CFLAR: variants seen among roughly 807,000 people sequenced by gnomAD.
CFLAR encodes the protein CASP8 and FADD like apoptosis regulator.
Under a neutral mutation model 51.1 loss-of-function variants are expected in CFLAR, and 14 were observed. The observed-to-expected ratio is 0.27, with a 90% CI of 0.18 to 0.43. The LOEUF is 0.43. Among genes scored for constraint, CFLAR ranks in the 20% least tolerant of loss-of-function variants. The pLI, the probability that CFLAR is intolerant of heterozygous loss-of-function variation, is 1.00. For missense variants in CFLAR, 390 were observed against 566.5 expected (o/e 0.69, Z 3.16); for synonymous variants, 210 against 211.6 (o/e 0.99, Z 0.06).
chr2:201,141,938 G>C (rs1041688571), intron 5 of CFLAR: 2 of 152,336 alleles, frequency 1.3e-5, no homozygotes, highest in African/African-American at 4.8e-5. Flanking sequence ...TTGTCTAGCA[G>C]GCTTTTCAGT....
rs887015501 is a variant in CFLAR, at chr2:201,166,933, G to A, written c.*2960G>A. On this transcript the variant is annotated 3_prime_UTR_variant, in exon 10 of 10. Coordinates refer to ENST00000309955, the MANE Select transcript of CFLAR (RefSeq NM_003879.7). ...CAGCAGTACAGTCCAGCTTCGGCTC[G>A]GCATCAGAGGGAGACCGTGGGGAGA... is the stretch of plus-strand genomic sequence containing the variant. 1.0e-4 allele frequency: 5 copies of A among 49,170 alleles called. No individual in the cohort carries two copies. The highest frequency in any genetic ancestry group is 4.4e-4 in the South Asian group (1 of 2,298). 3.0% of individuals were successfully genotyped at this position (49,170 alleles called of 1,614,324 possible).
chr2:201,123,275 G>T (rs969880903), intron 1 of CFLAR, among the ~76,000 whole-genome samples: 6 of 152,214 alleles, frequency 3.9e-5, no homozygotes, highest in African/African-American at 1.4e-4. Flanking sequence ...GAGCTTCCTT[G>T]AGAGTCATGA....
chr2:201,147,476 C>T (rs564956621), intron 6 of CFLAR, among the ~76,000 whole-genome samples: 15 of 151,962 alleles, frequency 9.9e-5, no homozygotes, highest in African/African-American at 3.6e-4. Context: ...TTGCAGTGAG[C>T]CGAGATCTTG....
rs1168849384 is a variant in CFLAR, at chr2:201,169,436, C to T, written c.*5463C>T. 6.6e-6 allele frequency: 1 copy of T among 152,304 alleles called. No individual in the cohort carries two copies. Among genetic ancestry groups the T allele is most frequent in the East Asian group, 1.9e-4 (1 of 5,194 alleles). The allele number at this position is 152,304 out of a possible 1,614,324, so 9.4% of individuals were successfully genotyped here. ...GCAGAAAATTGAAACTGACCCCTTC[C>T]TTACACCTTATACAAAAATTAACTC... On this transcript the variant is annotated 3_prime_UTR_variant, in exon 10 of 10. Transcript: ENST00000309955.
At position 201,172,174 on chromosome 2, in the gene CFLAR, G is replaced by C. The variant is rs529426252; in HGVS notation, c.*8201G>C. The C allele has an allele frequency of 4.6e-5, 7 of 152,244 alleles. No individual in the cohort carries two copies. The Middle Eastern group carries it at 0.01, about 222-fold the overall frequency. The allele number at this position is 152,244 out of a possible 1,614,324, so 9.4% of individuals were successfully genotyped here. On this transcript the variant is annotated 3_prime_UTR_variant, in exon 10 of 10. Coordinates refer to ENST00000309955, the MANE Select transcript of CFLAR (RefSeq NM_003879.7). ...TATATCTCTCCTAAACACTTTACCTGATGAAGAGCCTGGCATACACATAAA... is the reference window on the plus strand; with the variant it reads ...TATATCTCTCCTAAACACTTTACCTCATGAAGAGCCTGGCATACACATAAA...
intron 4 of CFLAR, chr2:201,136,505 T>G: frequency 6.4e-7 from 1 of 1,567,522 alleles, no homozygotes; most frequent in South Asian, 1.1e-5. Context: ...TCTCATACCT[T>G]CCTTGCATGT....
At chr2:201,145,299 GA>G in intron 5 of CFLAR, 78 bp from the exon 6 acceptor site, 1 of 768,332 alleles carries the variant, frequency 1.3e-6, no homozygotes, top group South Asian at 1.7e-5. Flanking sequence ...ATCCTATTGA[GA>G]CATTTAAAGA....
At chr2:201,132,658 G>A (rs538328206) in intron 2 of CFLAR, 17 of 170,634 alleles carry the variant, frequency 1.0e-4, no homozygotes, top group African/African-American at 4.0e-4. Context: ...AAACAGAGAA[G>A]GCTACTTCAA....
chr2:201,129,817 C>A lies in CFLAR; in HGVS notation c.-49C>A. The A allele has an allele frequency of 6.4e-7, 1 of 1,574,502 alleles. No homozygotes were observed. Among genetic ancestry groups the A allele is most frequent in the Non-Finnish European group, 8.7e-7 (1 of 1,152,584 alleles). On this transcript the variant is annotated 5_prime_UTR_variant, in exon 2 of 10. Coordinates refer to ENST00000309955, the MANE Select transcript of CFLAR (RefSeq NM_003879.7). Reference sequence around the variant, plus strand: ...CCTGCTGGCTTTCTGTTGACTGGCCCGGAGCTGTACTGCAAGACCCTTGTG... The same window carrying A: ...CCTGCTGGCTTTCTGTTGACTGGCCAGGAGCTGTACTGCAAGACCCTTGTG...
At chr2:201,140,611 T>C (rs1938473435) in intron 5 of CFLAR, 172 bp downstream of exon 5, 2 of 554,404 alleles carry the variant, frequency 3.6e-6, no homozygotes, top group Admixed American at 3.9e-5. Context: ...CTAATACATG[T>C]TCATTGAGAT....
chr2:201,175,892 T>TTA lies in CFLAR; in HGVS notation c.*11919_*11920insTA, dbSNP rs1487592141. On this transcript the variant is annotated 3_prime_UTR_variant, in exon 10 of 10. Transcript: ENST00000309955. ...GCTGAGGCAGGTGGATTACTTGAGG[T>TTA]CAGTAGTTCGAGACCAGCCTGGCCA... is the stretch of plus-strand genomic sequence containing the variant. The TTA allele has an allele frequency of 6.6e-6, 1 of 151,876 alleles. No homozygotes were observed. Among genetic ancestry groups the TTA allele is most frequent in the Non-Finnish European group, 1.5e-5 (1 of 68,060 alleles). The allele number at this position is 151,876 out of a possible 1,614,324, so 9.4% of individuals were successfully genotyped here.
chr2:201,121,619 T>A (rs2048191816), intron 1 of CFLAR, among the ~76,000 whole-genome samples: 1 of 152,238 alleles, frequency 6.6e-6, no homozygotes, highest in Non-Finnish European at 1.5e-5. Flanking sequence ...AAAGTAATTT[T>A]AAGAACTTTA....
chr2:201,159,664 C>A (rs1002154201), intron 8 of CFLAR, among the ~76,000 whole-genome samples: 8 of 152,136 alleles, frequency 5.3e-5, no homozygotes, highest in African/African-American at 1.9e-4. Context: ...AAGTAAGAAG[C>A]CTTTTCCTTT....
chr2:201,136,361 G>T, intron 4 of CFLAR: 2 of 1,598,454 alleles, frequency 1.3e-6, no homozygotes, highest in Non-Finnish European at 1.7e-6. Context: ...CAGTCTTCAA[G>T]AAAGAATCTG....
In CFLAR at chr2:201,124,332, T is replaced by A. The variant is rs1465923206; in HGVS notation, c.-137-5397T>A. Among the ~76,000 whole-genome samples, 3 of 152,014 alleles carry A rather than the reference T, an allele frequency of 2.0e-5. No homozygotes were observed. The highest frequency in any genetic ancestry group is 4.4e-5 in the Non-Finnish European group (3 of 67,986). The stretch of plus-strand genomic sequence containing the variant: ...AGTGCTTCAATAGAGGTGTTTTGTT[T>A]TGTTTTGTTTTGTTTTTCGAGACGG... On this transcript the variant is annotated intron_variant, in intron 1 of 9. Transcript: ENST00000309955. This position sits in a 1 kb window ranked among gnomAD's most constrained non-coding sequence, Gnocchi z 4.7.
intron 8 of CFLAR, among the ~76,000 whole-genome samples, chr2:201,155,615 T>C (rs1942041804): frequency 6.6e-6 from 1 of 152,004 alleles, no homozygotes; most frequent in Non-Finnish European, 1.5e-5. Flanking sequence ...AGCTTGAACA[T>C]TTTTCTGTAC....
At chr2:201,148,011 C>T (rs1281730196) in intron 6 of CFLAR, 1 of 152,292 alleles carries the variant, frequency 6.6e-6, no homozygotes, top group Non-Finnish European at 1.5e-5. Context: ...ATGCCTTAAA[C>T]TGAGATAGAT....
At chr2:201,130,569 T>A (rs1159488907) in intron 2 of CFLAR, among the ~76,000 whole-genome samples, 1 of 151,984 alleles carries the variant, frequency 6.6e-6, no homozygotes, top group Non-Finnish European at 1.5e-5. Flanking sequence ...TTTCACCATG[T>A]TGGCCAGGCT....
intron 2 of CFLAR, among the ~76,000 whole-genome samples, chr2:201,131,850 C>T (rs936663757): frequency 6.6e-6 from 1 of 151,682 alleles, no homozygotes; most frequent in South Asian, 2.1e-4. Flanking sequence ...CAATCACTAA[C>T]CTTGTTGGGC....
Sources: allele counts gnomAD v4.1 joint callset (sites outside exome capture counted in the v4.1 genomes callset), GRCh38; gene constraint gnomAD v4.1.1; non-coding constraint Gnocchi (gnomAD v3.1); transcripts MANE v1.5; gene names NCBI Gene and HGNC (gene_info 2026-07-23, HGNC 2026-07-21).